Variants in SPRED2 observed in about 807,000 individuals in gnomAD.
SPRED2 encodes the protein sprouty related EVH1 domain containing 2, also known as sprouty-related, EVH1 domain-containing protein 2.
Under a neutral mutation model 43.0 loss-of-function variants are expected in SPRED2, and 47 were observed. That is an observed-to-expected ratio of 1.09 (90% CI 0.87 to 1.40). The LOEUF (loss-of-function observed/expected upper bound fraction) is 1.40. Ranked by LOEUF, SPRED2 falls within the 40% of genes most tolerant of loss-of-function variation. SPRED2 has a pLI of 0.00. For synonymous variants in SPRED2, 225 were observed against 225.7 expected, an observed-to-expected ratio of 1.00 and a Z score of 0.03; for missense variants, 561 against 586.4, an observed-to-expected ratio of 0.96 and a Z score of 0.45.
At chr2:65,320,557 G>C (rs879529436) in intron 4 of SPRED2, among the ~76,000 whole-genome samples, 1 of 152,174 alleles carries the variant, frequency 6.6e-6, no homozygotes, top group Admixed American at 6.5e-5. Context: ...AGTGAAGCAA[G>C]AAGGCCAGAA....
chr2:65,404,825 A>C (rs1400152472), intron 1 of SPRED2, among the ~76,000 whole-genome samples: 2 of 152,170 alleles, frequency 1.3e-5, no homozygotes, highest in Admixed American at 1.3e-4. Context: ...CTACCTCCCC[A>C]GCATGAACAG....
intron 1 of SPRED2, among the ~76,000 whole-genome samples, chr2:65,386,667 G>A (rs997998439): frequency 1.3e-5 from 2 of 152,144 alleles, no homozygotes; most frequent in Non-Finnish European, 2.9e-5. Flanking sequence ...TTTTTATAGA[G>A]GAAGAGAGAT....
At chr2:65,396,753 C>T (rs112845663) in intron 1 of SPRED2, among the ~76,000 whole-genome samples, 216 of 152,328 alleles carry the variant, frequency 1.4e-3, no homozygotes, top group Middle Eastern at 0.01. Flanking sequence ...AGCATGGCCG[C>T]CTCCCCAGAG....
At chr2:65,338,211 TC>T (rs1367487374) in intron 2 of SPRED2, among the ~76,000 whole-genome samples, 1 of 96,342 alleles carries the variant, frequency 1.0e-5, no homozygotes, top group African/African-American at 4.2e-5. Flanking sequence ...CCTCTCCCTC[TC>T]CCGTCTCCCT....
chr2:65,424,641 T>C (rs1482318112), intron 1 of SPRED2, among the ~76,000 whole-genome samples: 4 of 151,086 alleles, frequency 2.6e-5, no homozygotes, highest in Non-Finnish European at 1.5e-5. Flanking sequence ...AAAAAAGTAA[T>C]AAAAATAAAA....
intron 1 of SPRED2, among the ~76,000 whole-genome samples, chr2:65,349,930 C>T (rs1674462112): frequency 6.6e-6 from 1 of 152,238 alleles, no homozygotes; most frequent in Non-Finnish European, 1.5e-5. Context: ...CCAGCATTAA[C>T]TGAGGCATCT....
At chr2:65,355,330 T>C (rs956948326) in intron 1 of SPRED2, among the ~76,000 whole-genome samples, 1 of 152,202 alleles carries the variant, frequency 6.6e-6, no homozygotes, top group South Asian at 2.1e-4. Flanking sequence ...GAAAGATTGT[T>C]GACATTCAAG....
chr2:65,352,269 A>C (rs1489356068), intron 1 of SPRED2, among the ~76,000 whole-genome samples: 3 of 152,240 alleles, frequency 2.0e-5, no homozygotes, highest in Non-Finnish European at 4.4e-5. Flanking sequence ...CTGATCATTA[A>C]ACGTTTGTTT....
At chr2:65,363,699 T>C (rs574645776) in intron 1 of SPRED2, among the ~76,000 whole-genome samples, 1 of 152,208 alleles carries the variant, frequency 6.6e-6, no homozygotes, top group African/African-American at 2.4e-5. Flanking sequence ...AAACCACACA[T>C]CCGGACAGCA....
At chr2:65,364,380 G>C (rs1319001992) in intron 1 of SPRED2, among the ~76,000 whole-genome samples, 1 of 152,208 alleles carries the variant, frequency 6.6e-6, no homozygotes, top group Non-Finnish European at 1.5e-5. Context: ...TCTATTGATT[G>C]CTTCCAAGTT....
chr2:65,374,402 A>G lies in SPRED2; in HGVS notation c.27-29506T>C, dbSNP rs573359451. Among the ~76,000 whole-genome samples, 3 of 152,360 alleles carry G rather than the reference A, an allele frequency of 2.0e-5. No individual in the cohort carries two copies. The East Asian group carries it at 5.8e-4, about 29-fold the overall frequency. ...ACTGCAGGAGCCAGAACTGGGCCTG[A>G]TTCTAAATTCATTGTTCTAAATTCT... On this transcript the variant is annotated intron_variant, in intron 1 of 5. Transcript: ENST00000356388.
intron 1 of SPRED2, among the ~76,000 whole-genome samples, chr2:65,386,007 G>A (rs949130015): frequency 5.9e-5 from 9 of 152,196 alleles, no homozygotes; most frequent in Admixed American, 2.0e-4. Context: ...AGGACTGGTC[G>A]GGTGCGGTGG....
At chr2:65,421,335 TC>T (rs1438955175) in intron 1 of SPRED2, among the ~76,000 whole-genome samples, 3 of 152,182 alleles carry the variant, frequency 2.0e-5, no homozygotes, top group African/African-American at 7.2e-5. Context: ...AGATGTGAAG[TC>T]ATCTTTTTAT....
intron 1 of SPRED2, chr2:65,377,652 G>A: frequency 2.1e-6 from 1 of 471,226 alleles, no homozygotes; most frequent in South Asian, 1.5e-5. Context: ...GAACCCAGAT[G>A]CCCAGCTGGA....
chr2:65,381,059 G>A (rs75428447), intron 1 of SPRED2, among the ~76,000 whole-genome samples: 2,933 of 152,284 alleles, frequency 0.019, 86 homozygotes, highest in African/African-American at 0.067. Flanking sequence ...AGAAGGAGTA[G>A]CCCAACCTAT....
chr2:65,430,860 T>C (rs2103826920), intron 1 of SPRED2, among the ~76,000 whole-genome samples: 1 of 136,150 alleles, frequency 7.3e-6, no homozygotes, highest in Non-Finnish European at 1.6e-5. Flanking sequence ...GAGCGCGTCT[T>C]ATTCACAAAA....
intron 1 of SPRED2, among the ~76,000 whole-genome samples, chr2:65,392,834 C>T (rs779596337): frequency 1.6e-4 from 24 of 152,172 alleles, no homozygotes; most frequent in Non-Finnish European, 3.1e-4. Flanking sequence ...TCCTCCAAGC[C>T]CTTGTCTTCC....
chr2:65,375,781 T>C (rs115307954), intron 1 of SPRED2, among the ~76,000 whole-genome samples: 1,835 of 152,278 alleles, frequency 0.012, 31 homozygotes, highest in African/African-American at 0.041. Flanking sequence ...TTGTTTCAAG[T>C]CTCCCCAAAG....
At chr2:65,321,920 G>A (rs1673424843) in intron 4 of SPRED2, among the ~76,000 whole-genome samples, 1 of 151,668 alleles carries the variant, frequency 6.6e-6, no homozygotes, top group South Asian at 2.1e-4. Context: ...TTACAAGCAC[G>A]TGCCAACACG....
Sources: allele counts gnomAD v4.1 joint callset (sites outside exome capture counted in the v4.1 genomes callset), GRCh38; gene constraint gnomAD v4.1.1; transcripts MANE v1.5; gene names NCBI Gene and HGNC (gene_info 2026-07-23, HGNC 2026-07-21).